The following IFT140 variants were observed in gnomAD, a reference collection of about 807,000 sequenced individuals.
The protein encoded by IFT140 is intraflagellar transport 140.
In IFT140, 133 loss-of-function variants were observed where a neutral mutation model predicts 164.6. That is an observed-to-expected ratio of 0.81 (90% CI 0.70 to 0.93). The LOEUF (loss-of-function observed/expected upper bound fraction) is 0.93, where lower values mean the gene tolerates loss of function less well. IFT140 is among the 40% of genes least tolerant of loss of function. The probability of loss-of-function intolerance (pLI) is 0.00; values close to 1 mark genes in which losing one functional copy is unlikely to be tolerated. For synonymous variants in IFT140, 860 were observed against 817.3 expected (o/e 1.05, Z -0.89); for missense variants, 2,045 against 1,972.3 (o/e 1.04, Z -0.70).
rs1245794010 is a variant in IFT140, at chr16:1,585,072, C to G, written c.1156-652G>C. Among the ~76,000 whole-genome samples, 3 of 152,124 alleles carry G rather than the reference C, an allele frequency of 2.0e-5. No individual in the cohort carries two copies. The East Asian group carries it at 5.8e-4, about 29-fold the overall frequency. On this transcript the variant is annotated intron_variant, in intron 10 of 30. Transcript: ENST00000426508. ...TGTCTCATCAGGTAGAGAACAGGAA[C>G]AGAGAGAAATCATAAGAAAGAACCA...
Position 1,558,043 on chromosome 16 carries a change from C to T in IFT140, c.2291G>A (p.Gly764Glu). ...VSRRPLRDFV[G>E]LEDCDKATRD... The stretch of plus-strand genomic sequence containing the variant: ...GGTGGCCTTGTCGCAGTCCTCCAGC[C>T]CCACAAAGTCTCGCAGGGGTCTCCT... Residue 764 changes from glycine (G) to glutamate (E), a missense_variant, in exon 19 of 31, where the codon GGG becomes GAG. Coordinates refer to ENST00000426508, the MANE Select transcript of IFT140 (RefSeq NM_014714.4). 1 of 1,614,028 alleles carries T rather than the reference C, an allele frequency of 6.2e-7. No homozygotes were observed. The highest frequency in any genetic ancestry group is 1.1e-5 in the South Asian group (1 of 91,072).
intron 19 of IFT140, among the ~76,000 whole-genome samples, chr16:1,529,444 G>T (rs573712326): frequency 6.1e-4 from 93 of 152,370 alleles, no homozygotes; most frequent in African/African-American, 2.1e-3. Flanking sequence ...TGGACGCTCA[G>T]TCGGCGCTGC....
intron 19 of IFT140, among the ~76,000 whole-genome samples, chr16:1,552,569 A>T (rs999105742): frequency 6.6e-6 from 1 of 151,950 alleles, no homozygotes; most frequent in African/African-American, 2.4e-5. Context: ...GATACCACAC[A>T]ATCGTGAGCA....
At chr16:1,556,571 G>A (rs2033098530) in intron 19 of IFT140, among the ~76,000 whole-genome samples, 1 of 152,226 alleles carries the variant, frequency 6.6e-6, no homozygotes, top group South Asian at 2.1e-4. Flanking sequence ...GGATTGTGAG[G>A]CCCGTATTGC....
chr16:1,606,890 GCACA>G (rs541852157), intron 3 of IFT140, among the ~76,000 whole-genome samples: 2 of 151,274 alleles, frequency 1.3e-5, no homozygotes, highest in Admixed American at 6.6e-5. Context: ...GCATACAGAT[GCACA>G]CACACACCCA....
chr16:1,519,670 G>A (rs889484689), intron 29 of IFT140, among the ~76,000 whole-genome samples: 5 of 152,156 alleles, frequency 3.3e-5, no homozygotes, highest in East Asian at 1.9e-4. Context: ...CTCTCTCAGC[G>A]TCTCTGGTGT....
intron 2 of IFT140, among the ~76,000 whole-genome samples, chr16:1,608,988 T>C (rs1457465108): frequency 6.6e-6 from 1 of 152,104 alleles, no homozygotes; most frequent in Non-Finnish European, 1.5e-5. Flanking sequence ...ACCTCTTCTC[T>C]ACTAAAAAAT....
chr16:1,576,940 C>G (rs1019325056), intron 13 of IFT140: 3 of 152,142 alleles, frequency 2.0e-5, no homozygotes, highest in East Asian at 1.9e-4. Context: ...TCAAGTGTTT[C>G]GAAGATCCCC....
At chr16:1,514,495 G>A (rs1041453157) in intron 30 of IFT140, 2 of 152,182 alleles carry the variant, frequency 1.3e-5, no homozygotes, top group Admixed American at 1.3e-4. Context: ...TGCTGCCCTC[G>A]TCACTAGTTG....
rs1003241920 is a variant in IFT140 at position 1,510,735 on chromosome 16, G to A, written c.*209C>T. The A allele has an allele frequency of 3.5e-5, 21 of 597,630 alleles. No homozygotes were observed. Among genetic ancestry groups the A allele is most frequent in the Middle Eastern group, 8.8e-4 (2 of 2,280 alleles). 37.0% of individuals were successfully genotyped at this position (597,630 alleles called of 1,614,324 possible). A position where few individuals can be genotyped will look rare whatever the true frequency, so the allele number is the denominator to read the frequency against. On this transcript the variant is annotated 3_prime_UTR_variant, in exon 31 of 31. Transcript: ENST00000426508. The stretch of plus-strand genomic sequence containing the variant: ...AATCCAAAAATCTAGTGGAGCTGCC[G>A]GGCACCCAGAGGCAGGTGGGACAGA...
At chr16:1,558,169 A>C in intron 18 of IFT140, 35 bp from the exon 19 acceptor site, 1 of 1,608,998 alleles carries the variant, frequency 6.2e-7, no homozygotes, top group South Asian at 1.1e-5. Context: ...TTGTTAATTC[A>C]TATGTAAAGC....
intron 19 of IFT140, among the ~76,000 whole-genome samples, chr16:1,542,266 G>A (rs2031724282): frequency 6.6e-6 from 1 of 152,244 alleles, no homozygotes; most frequent in Non-Finnish European, 1.5e-5. Context: ...AATGATGAAA[G>A]ACAGAAACAC....
chr16:1,557,252 C>T (rs138965939), intron 19 of IFT140, among the ~76,000 whole-genome samples: 63 of 152,302 alleles, frequency 4.1e-4, no homozygotes, highest in African/African-American at 1.4e-3. Context: ...GGAAAGAGCT[C>T]ATCTGCACAG....
At chr16:1,584,566 C>T (rs1205342692) in intron 10 of IFT140, 146 bp from the exon 11 acceptor site, 3 of 664,878 alleles carry the variant, frequency 4.5e-6, no homozygotes, top group African/African-American at 3.6e-5. Flanking sequence ...TCTTATAAGA[C>T]ATTATAAGAA....
intron 3 of IFT140, among the ~76,000 whole-genome samples, chr16:1,605,270 A>C (rs1246654760): frequency 6.6e-6 from 1 of 152,200 alleles, no homozygotes; most frequent in African/African-American, 2.4e-5. Flanking sequence ...AGTGTGGTAC[A>C]GACAAGGACC....
At chr16:1,528,527 A>C (rs2030062967) in intron 19 of IFT140, among the ~76,000 whole-genome samples, 1 of 151,662 alleles carries the variant, frequency 6.6e-6, no homozygotes, top group South Asian at 2.1e-4. Context: ...ACACAGGCAC[A>C]CACAAGCACA....
chr16:1,514,422 G>T lies in IFT140; in HGVS notation c.4183-3272C>A, dbSNP rs568506929. 6 of 152,130 alleles carry T rather than the reference G, an allele frequency of 3.9e-5. No individual in the cohort carries two copies. The East Asian group carries it at 9.6e-4, about 24-fold the overall frequency. 9.4% of individuals were successfully genotyped at this position (152,130 alleles called of 1,614,324 possible). A position where few individuals can be genotyped will look rare whatever the true frequency, so the allele number is the denominator to read the frequency against. The stretch of plus-strand genomic sequence containing the variant: ...AGATTTTTGTTGACCACAGCAGCTG[G>T]AATGTGAAGGTGGAAACGTTGGGAT... On this transcript the variant is annotated intron_variant, in intron 30 of 30. Transcript: ENST00000426508.
At chr16:1,535,992 G>C (rs1231223661) in intron 19 of IFT140, among the ~76,000 whole-genome samples, 1 of 152,254 alleles carries the variant, frequency 6.6e-6, no homozygotes, top group Non-Finnish European at 1.5e-5. Flanking sequence ...CCCCGTTACT[G>C]TGCTGAACCT....
intron 3 of IFT140, among the ~76,000 whole-genome samples, chr16:1,605,325 C>T (rs986969545): frequency 6.6e-6 from 1 of 152,152 alleles, no homozygotes; most frequent in Non-Finnish European, 1.5e-5. Flanking sequence ...TGATGACTGT[C>T]GCTGCTTGGG....
Sources: allele counts gnomAD v4.1 joint callset (sites outside exome capture counted in the v4.1 genomes callset), GRCh38; gene constraint gnomAD v4.1.1; transcripts MANE v1.5; gene names NCBI Gene and HGNC (gene_info 2026-07-23, HGNC 2026-07-21).